The following PAPPA2 variants were observed in gnomAD, a reference collection of about 807,000 sequenced individuals.
The protein encoded by PAPPA2 is pappalysin-2.
Under a neutral mutation model 176.4 loss-of-function variants are expected in PAPPA2, and 86 were observed. The observed-to-expected ratio is 0.49, with a 90% CI of 0.41 to 0.58. PAPPA2 has a LOEUF of 0.58. PAPPA2 is among the 20% of genes least tolerant of loss of function. The pLI is 0.00. For synonymous variants in PAPPA2, 809 were observed against 852.2 expected, an observed-to-expected ratio of 0.95 and a Z score of 0.88; for missense variants, 2,073 against 2,256.9, an observed-to-expected ratio of 0.92 and a Z score of 1.65.
At chr1:176,821,890 C>T (rs1188637520) in intron 21 of PAPPA2, among the ~76,000 whole-genome samples, 1 of 152,182 alleles carries the variant, frequency 6.6e-6, no homozygotes, top group Non-Finnish European at 1.5e-5. Flanking sequence ...CGCAAGCATT[C>T]GTTAAACACA....
At chr1:176,804,409 G>A (rs1665807227) in intron 21 of PAPPA2, among the ~76,000 whole-genome samples, 1 of 152,182 alleles carries the variant, frequency 6.6e-6, no homozygotes, top group Non-Finnish European at 1.5e-5. Flanking sequence ...AATATAGTGA[G>A]TGGAGGACAG....
intron 20 of PAPPA2, among the ~76,000 whole-genome samples, chr1:176,796,626 T>TTC (rs1407385373): frequency 6.6e-6 from 1 of 151,060 alleles, no homozygotes; most frequent in Admixed American, 6.6e-5. Flanking sequence ...TTTTCTTTCT[T>TTC]TCTTTTTCTT....
In PAPPA2 at chr1:176,781,365, C is replaced by CTTTTTTTT. The variant is rs35029858; in HGVS notation, c.4716-8418_4716-8411dup. Among the ~76,000 whole-genome samples the CTTTTTTTT allele has an allele frequency of 1.3e-3, 62 of 46,244 alleles. 4 individuals carry two copies. Among genetic ancestry groups the CTTTTTTTT allele is most frequent in the East Asian group, 2.7e-3 (3 of 1,108 alleles). The allele number at this position is 46,244 out of a possible 152,430, so 30.3% of individuals were successfully genotyped here. A position where few individuals can be genotyped will look rare whatever the true frequency, so the allele number is the denominator to read the frequency against. On this transcript the variant is annotated intron_variant, in intron 17 of 22. Coordinates refer to ENST00000367662, the MANE Select transcript of PAPPA2 (RefSeq NM_020318.3). The stretch of plus-strand genomic sequence containing the variant: ...CATGTGAGAAGAGCTTTGTAAGGGG[C>CTTTTTTTT]TTTTTTTTTTTTTTTTTTTTTTTTT...
At chr1:176,465,780 G>T (rs1651592376) in intron 1 of PAPPA2, among the ~76,000 whole-genome samples, 1 of 151,220 alleles carries the variant, frequency 6.6e-6, no homozygotes, top group African/African-American at 2.4e-5. Flanking sequence ...TATTTTTCCT[G>T]ATCCTCTCCC....
chr1:176,624,261 G>A (rs190160071), intron 3 of PAPPA2, among the ~76,000 whole-genome samples: 35 of 152,222 alleles, frequency 2.3e-4, no homozygotes, highest in Admixed American at 2.1e-3. Flanking sequence ...TAAAATTGCT[G>A]CACATCTGGG....
rs149480668 is a variant in PAPPA2 at position 176,802,270 on chromosome 1, T to C, written c.5202+2138T>C. ...TGGAAGGAAGATACAACGATACAGG[T>C]GAATCAATCCCTGTAGGAAAGGAAG... On this transcript the variant is annotated intron_variant, in intron 21 of 22. Transcript: ENST00000367662. 6.5e-4 allele frequency among the ~76,000 whole-genome samples: 99 copies of C among 151,428 alleles called. 2 individuals carry two copies. The East Asian group carries it at 0.017, about 26-fold the overall frequency.
At chr1:176,469,663 A>G (rs1651785438) in intron 1 of PAPPA2, among the ~76,000 whole-genome samples, 1 of 152,202 alleles carries the variant, frequency 6.6e-6, no homozygotes, top group Admixed American at 6.5e-5. Context: ...ACTGCTTTTG[A>G]TAACATCCAC....
intron 12 of PAPPA2, among the ~76,000 whole-genome samples, chr1:176,713,184 C>T (rs956572532): frequency 6.6e-6 from 1 of 150,656 alleles, no homozygotes; most frequent in Non-Finnish European, 1.5e-5. Flanking sequence ...GAGGCAGGGT[C>T]TCGCTCTGTT....
intron 1 of PAPPA2, among the ~76,000 whole-genome samples, chr1:176,474,404 C>T (rs1316573137): frequency 6.6e-6 from 1 of 152,182 alleles, no homozygotes; most frequent in Non-Finnish European, 1.5e-5. Context: ...AGCTCATTGA[C>T]CAGCGCTGGT....
chr1:176,622,109 A>G (rs781138819), intron 3 of PAPPA2, among the ~76,000 whole-genome samples: 1 of 152,100 alleles, frequency 6.6e-6, no homozygotes, highest in Non-Finnish European at 1.5e-5. Context: ...AATATCAGCT[A>G]TCTGTAGTTT....
chr1:176,752,786 A>T (rs1001612324), intron 14 of PAPPA2, among the ~76,000 whole-genome samples: 1 of 152,216 alleles, frequency 6.6e-6, no homozygotes, highest in Non-Finnish European at 1.5e-5. Flanking sequence ...TGTTAATCTT[A>T]TCTTCAGGTT....
chr1:176,680,503 A>G (rs922108280), intron 4 of PAPPA2, among the ~76,000 whole-genome samples: 2 of 152,232 alleles, frequency 1.3e-5, no homozygotes, highest in African/African-American at 4.8e-5. Context: ...TTATACATTC[A>G]CATGTAATTG....
intron 21 of PAPPA2, among the ~76,000 whole-genome samples, chr1:176,815,513 T>C (rs1666338155): frequency 6.6e-6 from 1 of 152,110 alleles, no homozygotes; most frequent in African/African-American, 2.4e-5. Context: ...AAATTACATA[T>C]ATACACATAA....
At chr1:176,601,090 G>A (rs1447540115) in intron 3 of PAPPA2, among the ~76,000 whole-genome samples, 1 of 152,128 alleles carries the variant, frequency 6.6e-6, no homozygotes, top group Non-Finnish European at 1.5e-5. Flanking sequence ...AGATACTTAG[G>A]TCATGAGAGC....
chr1:176,671,049 T>A lies in PAPPA2; in HGVS notation c.2071T>A (p.Ser691Thr). The A allele has an allele frequency of 6.2e-7, 1 of 1,613,994 alleles. No individual in the cohort carries two copies. Residue 691 changes from serine (S) to threonine (T), a missense_variant, in exon 4 of 23, where the codon TCA becomes ACA. Ser to Thr is a moderately conservative substitution (Grantham distance 58, BLOSUM62 1). Transcript: ENST00000367662. ...THFLNIYFAS[S>T]VREDLAGAAT... ...CTTCCTCAACATCTACTTTGCCAGC[T>A]CAGTGCGGGAAGACCTTGCAGGTGC...
At chr1:176,645,858 T>A (rs1329797245) in intron 3 of PAPPA2, among the ~76,000 whole-genome samples, 1 of 151,772 alleles carries the variant, frequency 6.6e-6, no homozygotes, top group Non-Finnish European at 1.5e-5. Context: ...AGCATTTTTT[T>A]CACATGCCTG....
At chr1:176,650,018 GT>G (rs1657624641) in intron 3 of PAPPA2, among the ~76,000 whole-genome samples, 1 of 151,448 alleles carries the variant, frequency 6.6e-6, no homozygotes, top group Admixed American at 6.6e-5. Flanking sequence ...TACTATTATT[GT>G]ATTGCAGTCT....
At chr1:176,543,565 G>T (rs2102569902) in intron 1 of PAPPA2, among the ~76,000 whole-genome samples, 1 of 152,020 alleles carries the variant, frequency 6.6e-6, no homozygotes, top group East Asian at 2.0e-4. Flanking sequence ...ATTCAATTTT[G>T]ACTTCTTTGA....
At chr1:176,484,154 T>C (rs764233029) in intron 1 of PAPPA2, among the ~76,000 whole-genome samples, 2 of 152,212 alleles carry the variant, frequency 1.3e-5, no homozygotes, top group Non-Finnish European at 2.9e-5. Flanking sequence ...CTCAACACTT[T>C]AATTTCAATC....
Sources: gnomAD v4.1 joint callset for allele counts (sites outside exome capture counted in the v4.1 genomes callset) on GRCh38, gnomAD v4.1.1 for gene constraint, MANE v1.5 for transcripts, NCBI Gene and HGNC (gene_info 2026-07-23, HGNC 2026-07-21) for gene names.